The following FMNL2 variants were observed in gnomAD, a reference collection of about 807,000 sequenced individuals.
FMNL2 encodes the protein formin-like protein 2.
In FMNL2, 51 loss-of-function variants were observed where a neutral mutation model predicts 130.2. The observed-to-expected ratio is 0.39, with a 90% CI of 0.31 to 0.49. FMNL2 has a LOEUF of 0.49. Ranked by LOEUF, FMNL2 falls within the 20% of genes least tolerant of loss-of-function variation. The pLI is 0.85. For missense variants in FMNL2, 977 were observed against 1,316.2 expected (o/e 0.74, Z 3.99); for synonymous variants, 465 against 467.1 (o/e 1.00, Z 0.06).
chr2:152,622,898 T>C lies in FMNL2; in HGVS notation c.1838-2540T>C, dbSNP rs144280173. 2.9e-3 allele frequency among the ~76,000 whole-genome samples: 441 copies of C among 151,366 alleles called. 6 individuals carry two copies. The highest frequency in any genetic ancestry group is 0.013 in the East Asian group (69 of 5,114). ...CTAAGAACAAAAAAAAGGTGCCAGG[T>C]GCCCCTTTTCCATTCCCTCCCTCAT... On this transcript the variant is annotated intron_variant, in intron 15 of 25. Coordinates refer to ENST00000288670, the MANE Select transcript of FMNL2 (RefSeq NM_052905.4).
At chr2:152,350,764 G>A (rs942905220) in intron 1 of FMNL2, among the ~76,000 whole-genome samples, 7 of 152,158 alleles carry the variant, frequency 4.6e-5, no homozygotes, top group Non-Finnish European at 1.0e-4. Flanking sequence ...TACAAAGAAG[G>A]CTGGGCACGG....
At chr2:152,346,383 C>T (rs1476431593) in intron 1 of FMNL2, among the ~76,000 whole-genome samples, 1 of 152,104 alleles carries the variant, frequency 6.6e-6, no homozygotes, top group Non-Finnish European at 1.5e-5. Context: ...TGGTGGCTCA[C>T]ATCTGTAATT....
intron 1 of FMNL2, among the ~76,000 whole-genome samples, chr2:152,478,549 AGTTATT>A: frequency 6.6e-6 from 1 of 152,172 alleles, no homozygotes; most frequent in East Asian, 1.9e-4. Flanking sequence ...AAATTTTTTT[AGTTATT>A]GTTACAAAAA....
intron 9 of FMNL2, among the ~76,000 whole-genome samples, chr2:152,591,203 G>C (rs1697421263): frequency 6.6e-6 from 1 of 151,552 alleles, no homozygotes; most frequent in South Asian, 2.1e-4. Flanking sequence ...TAGAGATGGG[G>C]TTTCACCATA....
intron 12 of FMNL2, 64 bp downstream of exon 12, chr2:152,615,064 G>C: frequency 6.4e-7 from 1 of 1,560,298 alleles, no homozygotes; most frequent in Non-Finnish European, 8.8e-7. Context: ...CAGAATTAAT[G>C]TCAGCTTTTA....
At position 152,478,709 on chromosome 2, in the gene FMNL2, A is replaced by G. The variant is rs114362500; in HGVS notation, c.118-43234A>G. On this transcript the variant is annotated intron_variant, in intron 1 of 25. Coordinates refer to ENST00000288670, the MANE Select transcript of FMNL2 (RefSeq NM_052905.4). ...ATGTTGAGTGGTGTAGAAAATGTTC[A>G]TAATATAAAGACTAATGTAGGATGA... Among the ~76,000 whole-genome samples the G allele has an allele frequency of 2.8e-3, 429 of 152,298 alleles. 1 individual carries two copies. The highest frequency in any genetic ancestry group is 6.8e-3 in the Middle Eastern group (2 of 294).
intron 1 of FMNL2, among the ~76,000 whole-genome samples, chr2:152,417,966 C>T (rs904686982): frequency 2.0e-5 from 3 of 152,124 alleles, no homozygotes; most frequent in African/African-American, 7.2e-5. Flanking sequence ...ATGCCTCAGC[C>T]TCCCGAGTAG....
chr2:152,522,902 T>C (rs947987942), intron 2 of FMNL2, among the ~76,000 whole-genome samples: 4 of 152,216 alleles, frequency 2.6e-5, no homozygotes, highest in African/African-American at 9.6e-5. Flanking sequence ...GCCTCAGCTA[T>C]AGATTTCCAG....
intron 1 of FMNL2, among the ~76,000 whole-genome samples, chr2:152,452,739 T>C (rs1244521918): frequency 7.1e-6 from 1 of 140,940 alleles, no homozygotes; most frequent in Non-Finnish European, 1.6e-5. Context: ...GGCCAAGGGA[T>C]TCCTTTGCAT....
At chr2:152,406,289 A>G (rs1316577694) in intron 1 of FMNL2, among the ~76,000 whole-genome samples, 2 of 152,202 alleles carry the variant, frequency 1.3e-5, no homozygotes, top group African/African-American at 4.8e-5. Context: ...ATAGTTATCT[A>G]CTGTGTTCAG....
rs76263903 is a variant in FMNL2 at position 152,597,908 on chromosome 2, A to G, written c.877-9431A>G. Among the ~76,000 whole-genome samples, 4 of 152,332 alleles carry G rather than the reference A, an allele frequency of 2.6e-5. No individual in the cohort carries two copies. The East Asian group carries it at 7.7e-4, about 29-fold the overall frequency. On this transcript the variant is annotated intron_variant, in intron 9 of 25. Transcript: ENST00000288670. ...TGGGTGTTAGGGTGAACTTGGGGAA[A>G]AGCAAAGATGAAAGTAGAAGGGTTG...
intron 15 of FMNL2, among the ~76,000 whole-genome samples, 156 bp downstream of exon 15, chr2:152,619,874 AT>A (rs1383590295): frequency 6.6e-6 from 1 of 152,060 alleles, no homozygotes; most frequent in Non-Finnish European, 1.5e-5. Context: ...TAGAGGGAAC[AT>A]CATCACGCAT....
intron 1 of FMNL2, among the ~76,000 whole-genome samples, chr2:152,338,371 C>G (rs956561434): frequency 6.6e-6 from 1 of 152,148 alleles, no homozygotes; most frequent in Non-Finnish European, 1.5e-5. Flanking sequence ...CAACTTCCAG[C>G]TCTAGAATAT....
chr2:152,569,729 G>T (rs1195422157), intron 6 of FMNL2, among the ~76,000 whole-genome samples: 1 of 151,218 alleles, frequency 6.6e-6, no homozygotes, highest in African/African-American at 2.4e-5. Context: ...GATACTTGTG[G>T]CTGGGCATGG....
intron 2 of FMNL2, among the ~76,000 whole-genome samples, chr2:152,538,606 C>G (rs1041839554): frequency 6.6e-6 from 1 of 152,032 alleles, no homozygotes; most frequent in Admixed American, 6.6e-5. Flanking sequence ...TTAAATAAAA[C>G]TCATATAAAA....
chr2:152,438,176 A>G (rs897772711), intron 1 of FMNL2, among the ~76,000 whole-genome samples: 2 of 152,248 alleles, frequency 1.3e-5, no homozygotes, highest in South Asian at 2.1e-4. Flanking sequence ...TCTCTATACA[A>G]GCATTAGAGA....
At chr2:152,497,497 T>G (rs1558914402) in intron 1 of FMNL2, among the ~76,000 whole-genome samples, 1 of 152,240 alleles carries the variant, frequency 6.6e-6, no homozygotes, top group Non-Finnish European at 1.5e-5. Flanking sequence ...GTTCTAAGAC[T>G]TATAAATACA....
At chr2:152,590,786 A>G (rs1387973991) in intron 9 of FMNL2, among the ~76,000 whole-genome samples, 1 of 151,928 alleles carries the variant, frequency 6.6e-6, no homozygotes, top group Non-Finnish European at 1.5e-5. Flanking sequence ...TGTGTGTATA[A>G]TAGGAGTAAG....
chr2:152,498,150 C>T (rs148380361), intron 1 of FMNL2, among the ~76,000 whole-genome samples: 1 of 152,138 alleles, frequency 6.6e-6, no homozygotes, highest in African/African-American at 2.4e-5. Context: ...ATACTCATAA[C>T]CTATCTACAG....
Sources: allele counts gnomAD v4.1 joint callset (sites outside exome capture counted in the v4.1 genomes callset), GRCh38; gene constraint gnomAD v4.1.1; transcripts MANE v1.5; gene names NCBI Gene and HGNC (gene_info 2026-07-23, HGNC 2026-07-21).